The following PIEZO2 variants were observed in gnomAD, a reference collection of about 807,000 sequenced individuals.
PIEZO2 encodes the protein piezo type mechanosensitive ion channel component 2, also known as piezo-type mechanosensitive ion channel component 2.
A neutral mutation model predicts 337.3 loss-of-function variants in PIEZO2; 172 were observed. That is an observed-to-expected ratio of 0.51 (90% confidence interval 0.45 to 0.58). PIEZO2 has a LOEUF of 0.58. Among genes scored for constraint, PIEZO2 ranks in the 20% least tolerant of loss-of-function variants. PIEZO2 has a pLI of 0.00. For synonymous variants in PIEZO2, 1,251 were observed against 1,228.5 expected (o/e 1.02, Z -0.38); for missense variants, 3,028 against 3,391.3 (o/e 0.89, Z 2.66).
chr18:10,910,211 T>C (rs964403526), intron 4 of PIEZO2, among the ~76,000 whole-genome samples: 2 of 152,148 alleles, frequency 1.3e-5, no homozygotes, highest in African/African-American at 4.8e-5. Context: ...CACTGAAAAT[T>C]TGAGATAAGA....
Position 10,691,242 on chromosome 18 carries a change from G to A in PIEZO2, c.7332C>T (p.Asn2444=), listed in dbSNP as rs1387220551. ...CGTCCTACCCTTGGAATAAGAAGAG[G>A]TTGACGTAATTGTAGCTCTTGGTGA... ...NFLTKSYNYV[N]LFLFQGFRLV... The change falls in exon 48 of 56, where the codon AAC becomes AAT. Residue 2444 remains asparagine (N), a synonymous_variant. Transcript: ENST00000674853. The A allele has an allele frequency of 6.2e-7, 1 of 1,613,874 alleles. No homozygotes were observed. Among genetic ancestry groups the A allele is most frequent in the South Asian group, 1.1e-5 (1 of 90,968 alleles).
At chr18:10,689,854 C>G in intron 48 of PIEZO2, 52 bp from the exon 49 acceptor site, 1 of 1,556,290 alleles carries the variant, frequency 6.4e-7, no homozygotes, top group Non-Finnish European at 8.7e-7. Context: ...GCCCCCACCA[C>G]CCTGCTCACC....
chr18:10,849,568 T>C (rs770664107), intron 7 of PIEZO2, among the ~76,000 whole-genome samples: 2 of 152,106 alleles, frequency 1.3e-5, no homozygotes, highest in Non-Finnish European at 2.9e-5. Flanking sequence ...AGGATGCCTA[T>C]AGGACAGAAG....
chr18:11,051,929 C>T (rs545831728), intron 2 of PIEZO2, among the ~76,000 whole-genome samples: 4 of 152,320 alleles, frequency 2.6e-5, no homozygotes, highest in Admixed American at 2.6e-4. Context: ...TGAAGTGAAG[C>T]CACGAAAGAA....
intron 49 of PIEZO2, among the ~76,000 whole-genome samples, chr18:10,686,554 T>C (rs1365015716): frequency 1.3e-5 from 2 of 152,220 alleles, no homozygotes; most frequent in Non-Finnish European, 2.9e-5. Context: ...TTACTGTGTG[T>C]CTAGGCTCAG....
rs1169307089 is a variant in PIEZO2 at position 10,853,737 on chromosome 18, C to A, written c.917+1616G>T. On this transcript the variant is annotated intron_variant, in intron 7 of 55. Transcript: ENST00000674853. The surrounding 1 kb of genome is among the most constrained non-coding windows in gnomAD (Gnocchi z 4.2). Reference sequence around the variant, plus strand: ...CCTATGTATGTATGTATCTATCAATCTATTATGTTGGTTGTTAAGCCATTT... The same window carrying A: ...CCTATGTATGTATGTATCTATCAATATATTATGTTGGTTGTTAAGCCATTT... 6.6e-6 allele frequency among the ~76,000 whole-genome samples: 1 copy of A among 152,156 alleles called. No individual in the cohort carries two copies. The highest frequency in any genetic ancestry group is 1.9e-4 in the East Asian group (1 of 5,198).
intron 46 of PIEZO2, 29 bp downstream of exon 46, chr18:10,696,363 C>A (rs114256247): frequency 1.2e-6 from 2 of 1,613,932 alleles, no homozygotes; most frequent in Admixed American, 1.7e-5. Context: ...TGGGTCAGGG[C>A]GGGTGCTGTG....
intron 1 of PIEZO2, among the ~76,000 whole-genome samples, chr18:11,091,603 CTCA>C (rs1281302064): frequency 2.0e-5 from 3 of 152,108 alleles, no homozygotes; most frequent in Non-Finnish European, 4.4e-5. Context: ...GCTCTGTTAT[CTCA>C]TCTACAAAAT....
chr18:10,720,234 G>GCGTATATATATATATATATATATATATA lies in PIEZO2; in HGVS notation c.5030-1976_5030-1975insTATATATATATATATATATATATATACG, dbSNP rs1555631512. On this transcript the variant is annotated intron_variant, in intron 36 of 55. Coordinates refer to ENST00000674853, the MANE Select transcript of PIEZO2 (RefSeq NM_001378183.1). ...TATATATGAATATATGTGTGTGTGT[G>GCGTATATATATATATATATATATATATA]TATATATATATATATGGAGCCCAGG... Among the ~76,000 whole-genome samples, 160 of 119,886 alleles carry GCGTATATATATATATATATATATATATA rather than the reference G, an allele frequency of 1.3e-3. 5 individuals carry two copies. The highest frequency in any genetic ancestry group is 5.0e-3 in the African/African-American group (149 of 29,884). The allele number at this position is 119,886 out of a possible 152,430, so 78.6% of individuals were successfully genotyped here. A position where few individuals can be genotyped will look rare whatever the true frequency, so the allele number is the denominator to read the frequency against.
chr18:10,918,935 A>C (rs1302893439), intron 3 of PIEZO2, among the ~76,000 whole-genome samples: 1 of 152,020 alleles, frequency 6.6e-6, no homozygotes, highest in Non-Finnish European at 1.5e-5. Context: ...CATTCATTCA[A>C]TTATTCCTTT....
chr18:10,959,458 T>A (rs752442171), intron 3 of PIEZO2, among the ~76,000 whole-genome samples: 2 of 152,142 alleles, frequency 1.3e-5, no homozygotes, highest in Non-Finnish European at 2.9e-5. Context: ...CATCAAAAAA[T>A]CACATGTAGA....
At chr18:10,749,693 G>A (rs1941546) in intron 29 of PIEZO2, among the ~76,000 whole-genome samples, 96,300 of 151,916 alleles carry the variant, frequency 0.63, 32,669 homozygotes, top group African/African-American at 0.89. Flanking sequence ...AGCTCTCTGA[G>A]CTTCCTGAGG....
chr18:10,871,436 G>C (rs2042137858), intron 4 of PIEZO2, 21 bp from the exon 5 acceptor site: 1 of 1,518,862 alleles, frequency 6.6e-7, no homozygotes, highest in African/African-American at 1.4e-5. Flanking sequence ...AAAACAAGGG[G>C]AGGGGAAAAA....
intron 1 of PIEZO2, among the ~76,000 whole-genome samples, chr18:11,098,702 G>T (rs898672649): frequency 6.6e-6 from 1 of 151,676 alleles, no homozygotes; most frequent in African/African-American, 2.4e-5. Flanking sequence ...TGCCTATTAT[G>T]ACAGCGTGCC....
At chr18:10,721,563 C>G (rs1456184828) in intron 36 of PIEZO2, among the ~76,000 whole-genome samples, 1 of 150,848 alleles carries the variant, frequency 6.6e-6, no homozygotes, top group Non-Finnish European at 1.5e-5. Flanking sequence ...TGTCTGAGAA[C>G]AGCAAACACA....
rs768638341 is a variant in PIEZO2 at position 10,800,445 on chromosome 18, C to T, written c.1270G>A (p.Val424Met). Residue 424 changes from valine (V) to methionine (M), a missense_variant, in exon 11 of 56, where the codon GTG (valine) becomes ATG (methionine). Val to Met is a conservative substitution (Grantham distance 21). Around this residue, in one of 5 missense-constraint regions of PIEZO2, gnomAD observed 542 missense variants for 605.6 expected, o/e 0.89. Transcript: ENST00000674853. ...GLLVTVNGNP[V>M]DYHTIHPSLP... ...CTTGGGTGGATGGTGTGGTAATCCA[C>T]GGGGTTGCCGTTCACAGTCACCAGC... 2.1e-5 allele frequency: 32 copies of T among 1,534,626 alleles called. No individual in the cohort carries two copies. The Admixed American group carries it at 2.4e-4, about 11-fold the overall frequency.
At chr18:10,809,260 CTTTTTTTTTTTTTT>C (rs869210659) in intron 7 of PIEZO2, among the ~76,000 whole-genome samples, 28 of 65,834 alleles carry the variant, frequency 4.3e-4, no homozygotes, top group African/African-American at 1.2e-3. Flanking sequence ...CTCTCTCTCT[CTTTTTTTTTTTTTT>C]TTTTTTTTTT....
chr18:10,779,622 A>C (rs2038908454), intron 18 of PIEZO2, among the ~76,000 whole-genome samples: 1 of 152,202 alleles, frequency 6.6e-6, no homozygotes, highest in South Asian at 2.1e-4. Flanking sequence ...TCCCTCTTCA[A>C]TAATATGTTG....
chr18:11,024,335 G>C (rs1422249403), intron 2 of PIEZO2, among the ~76,000 whole-genome samples: 1 of 152,024 alleles, frequency 6.6e-6, no homozygotes, highest in Non-Finnish European at 1.5e-5. Context: ...CACAAGGTCA[G>C]GAGATCGAGA....
Sources: gnomAD v4.1 joint callset for allele counts (sites outside exome capture counted in the v4.1 genomes callset) on GRCh38, gnomAD v4.1.1 for gene constraint, gnomAD v4.1.1 regional missense constraint, Gnocchi (gnomAD v3.1) non-coding constraint, MANE v1.5 for transcripts, NCBI Gene and HGNC (gene_info 2026-07-23, HGNC 2026-07-21) for gene names.